The following TMX1 variants were observed in gnomAD, a reference collection of about 807,000 sequenced individuals.
TMX1 encodes thioredoxin-related transmembrane protein 1.
A neutral mutation model predicts 36.6 loss-of-function variants in TMX1; 25 were observed. The observed-to-expected ratio is 0.68, with a 90% CI of 0.50 to 0.95. The LOEUF (loss-of-function observed/expected upper bound fraction) is 0.95, where lower values mean the gene tolerates loss of function less well. TMX1 is among the 40% of genes least tolerant of loss of function. The pLI is 0.00. For synonymous variants in TMX1, 133 were observed against 118.0 expected, an observed-to-expected ratio of 1.13 and a Z score of -0.82; for missense variants, 347 against 339.6, an observed-to-expected ratio of 1.02 and a Z score of -0.17.
chr14:51,245,898 G>T, intron 3 of TMX1: 1 of 181,508 alleles, frequency 5.5e-6, no homozygotes, highest in Admixed American at 5.4e-5. Context: ...AACAGAATGA[G>T]CAAGATTATG....
rs549335981 is a variant in TMX1 at position 51,248,598 on chromosome 14, C to A, written c.444-728C>A. 5.9e-5 allele frequency among the ~76,000 whole-genome samples: 9 copies of A among 152,282 alleles called. No homozygotes were observed. The East Asian group carries it at 1.7e-3, about 29-fold the overall frequency. ...TTTCTGTGTCGAACTAAAAGTATAACTGATTTTTGTTCTCTGAAATCTCAT... is the reference window on the plus strand; with the variant it reads ...TTTCTGTGTCGAACTAAAAGTATAAATGATTTTTGTTCTCTGAAATCTCAT... On this transcript the variant is annotated intron_variant, in intron 4 of 7. Transcript: ENST00000457354.
At chr14:51,246,665 C>T (rs1409618670) in intron 3 of TMX1, among the ~76,000 whole-genome samples, 1 of 152,128 alleles carries the variant, frequency 6.6e-6, no homozygotes, top group Non-Finnish European at 1.5e-5. Context: ...TGAGGTGATG[C>T]TATTATAGCC....
In TMX1 at chr14:51,257,382, A is replaced by G. The variant is rs1390466767; in HGVS notation, c.*2863A>G. 1.3e-5 allele frequency: 2 copies of G among 152,194 alleles called. No individual in the cohort carries two copies. The highest frequency in any genetic ancestry group is 2.9e-5 in the Non-Finnish European group (2 of 68,032). 9.4% of individuals were successfully genotyped at this position (152,194 alleles called of 1,614,324 possible). On this transcript the variant is annotated 3_prime_UTR_variant, in exon 8 of 8. Transcript: ENST00000457354. ...GAGTGAACATTTTGGCTCATATTTTATGACATTGTAGTTCATCCCCATGGT... is the reference window on the plus strand; with the variant it reads ...GAGTGAACATTTTGGCTCATATTTTGTGACATTGTAGTTCATCCCCATGGT...
chr14:51,257,298 C>T lies in TMX1; in HGVS notation c.*2779C>T, dbSNP rs571849602. 2.0e-5 allele frequency: 3 copies of T among 152,236 alleles called. No individual in the cohort carries two copies. In the South Asian group the frequency reaches 6.2e-4, roughly 32 times the overall value. The allele number at this position is 152,236 out of a possible 1,614,324, so 9.4% of individuals were successfully genotyped here. ...TTCTCTCATCAGTTTCGTCCTTATT[C>T]AGCCTTACACAAAAAAAGGCATAGT... On this transcript the variant is annotated 3_prime_UTR_variant, in exon 8 of 8. Transcript: ENST00000457354.
rs997062304 is a variant in TMX1 at position 51,243,932 on chromosome 14, G to A, written c.229G>A (p.Glu77Lys). 26 of 1,612,480 alleles carry A rather than the reference G, an allele frequency of 1.6e-5. No individual in the cohort carries two copies. Among genetic ancestry groups the A allele is most frequent in the Non-Finnish European group, 2.1e-5 (25 of 1,179,304 alleles). ...TTTTGCTGAATGGGGAGAAGATCTT[G>A]AGGTTAATATTGCGAAAGTAGATGT... is the stretch of plus-strand genomic sequence containing the variant. ...ESFAEWGEDL[E>K]VNIAKVDVTE... The change falls in exon 2 of 8, where the codon GAG becomes AAG. Residue 77 changes from glutamate (E) to lysine (K), a missense_variant. Physicochemically the swap from Glu to Lys is moderately conservative, Grantham distance 56 (BLOSUM62 1). Coordinates refer to ENST00000457354, the MANE Select transcript of TMX1 (RefSeq NM_030755.5).
intron 7 of TMX1, among the ~76,000 whole-genome samples, chr14:51,250,253 A>T (rs961585994): frequency 4.0e-5 from 6 of 151,296 alleles, no homozygotes; most frequent in Admixed American, 2.6e-4. Flanking sequence ...GCATTTACCA[A>T]TCTTGTAATT....
intron 4 of TMX1, 98 bp downstream of exon 4, chr14:51,247,318 C>A: frequency 1.6e-6 from 2 of 1,231,440 alleles, no homozygotes; most frequent in Non-Finnish European, 1.1e-6. Flanking sequence ...GTTTCTTGAG[C>A]TGTTAAGGTA....
intron 7 of TMX1, among the ~76,000 whole-genome samples, chr14:51,250,316 T>C (rs571909079): frequency 2.6e-5 from 4 of 152,348 alleles, no homozygotes; most frequent in South Asian, 2.1e-4. Flanking sequence ...CTTTTACTTA[T>C]CTGTTACCTC....
chr14:51,249,251 ATAGAG>A (rs2065799991), intron 4 of TMX1, 70 bp from the exon 5 acceptor site: 1 of 1,237,692 alleles, frequency 8.1e-7, no homozygotes, highest in South Asian at 1.5e-5. Context: ...TGGGGAAATT[ATAGAG>A]TAGAAAATAG....
intron 4 of TMX1, among the ~76,000 whole-genome samples, chr14:51,247,535 T>G (rs2139854442): frequency 6.6e-6 from 1 of 152,094 alleles, no homozygotes; most frequent in Non-Finnish European, 1.5e-5. Flanking sequence ...TTTTTTGTAT[T>G]TTTAGTAGAG....
At position 51,240,521 on chromosome 14, in the gene TMX1, G is replaced by A. The variant is rs115037890; in HGVS notation, c.152+77G>A. On this transcript the variant is annotated intron_variant, in intron 1 of 7. Transcript: ENST00000457354. ...ACCCCGCACGTTCCTCGTGCGGGTC[G>A]CAGGCTCCCCAGGACTGCGCCTCCG... 15,038 of 1,543,204 alleles carry A rather than the reference G, an allele frequency of 9.7e-3. 150 individuals are homozygous for A. Among genetic ancestry groups the A allele is most frequent in the African/African-American group, 0.052 (3,846 of 73,558 alleles).
chr14:51,248,907 T>C (rs888492145), intron 4 of TMX1, among the ~76,000 whole-genome samples: 1 of 152,212 alleles, frequency 6.6e-6, no homozygotes, highest in Non-Finnish European at 1.5e-5. Flanking sequence ...ATGGAAAGAA[T>C]TGGCTTGACA....
At chr14:51,253,939 C>G (rs1329330026) in intron 7 of TMX1, 3 of 152,644 alleles carry the variant, frequency 2.0e-5, no homozygotes, top group African/African-American at 7.2e-5. Flanking sequence ...TTTTAAAAGG[C>G]AGTCAAATTT....
chr14:51,246,705 T>A (rs1215224766), intron 3 of TMX1, among the ~76,000 whole-genome samples: 3 of 152,258 alleles, frequency 2.0e-5, no homozygotes, highest in Admixed American at 2.0e-4. Context: ...CTTAAAATTT[T>A]AAGTTATAGC....
Position 51,245,341 on chromosome 14 carries a change from T to C in TMX1, c.297T>C (p.Ala99=), listed in dbSNP as rs1164478771. The change falls in exon 3 of 8, where the codon GCT becomes GCC. Residue 99 remains alanine, a synonymous_variant. Transcript: ENST00000457354. ...TGAGTGGACGGTTTATCATAACTGC[T>C]CTTCCTACTATTTATCAGTAAGTAT... ...PGLSGRFIIT[A]LPTIYHCKDG... 6.2e-7 allele frequency: 1 copy of C among 1,614,030 alleles called. No individual in the cohort carries two copies. The highest frequency in any genetic ancestry group is 8.5e-7 in the Non-Finnish European group (1 of 1,179,934).
intron 7 of TMX1, among the ~76,000 whole-genome samples, chr14:51,253,671 T>C (rs1351320031): frequency 2.0e-5 from 3 of 152,194 alleles, no homozygotes; most frequent in East Asian, 3.8e-4. Context: ...ATCGAAAGGG[T>C]GTGTATTTAT....
chr14:51,240,320 C>T lies in TMX1; in HGVS notation c.28C>T (p.Pro10Ser), dbSNP rs764267974. The stretch of plus-strand genomic sequence containing the variant: ...GGCGCCCTCCGGGAGTCTTGCAGTT[C>T]CCCTGGCAGTCCTGGTGCTGTTGCT... Reference protein sequence around the residue: MAPSGSLAVPLAVLVLLLWG... With the variant: MAPSGSLAVSLAVLVLLLWG... Residue 10 changes from proline (P) to serine (S), a missense_variant, in exon 1 of 8, where the codon CCC becomes TCC. By Grantham distance (74) the Pro-to-Ser change is moderately conservative. Transcript: ENST00000457354. 3.1e-6 allele frequency: 5 copies of T among 1,612,996 alleles called. No individual in the cohort carries two copies. The highest frequency in any genetic ancestry group is 4.2e-6 in the Non-Finnish European group (5 of 1,179,984).
In TMX1 at chr14:51,249,484, T is replaced by C; in HGVS notation, c.506T>C (p.Phe169Ser). ...SMWIRTCHNY[F>S]IEDLGLPVWG... The stretch of plus-strand genomic sequence containing the variant: ...TGATTTTAGACTTGCCATAACTACT[T>C]TATTGAAGACCTTGGATTGCCAGTG... The change falls in exon 6 of 8, where the codon TTT (phenylalanine) becomes TCT (serine). Residue 169 changes from phenylalanine to serine, a missense_variant. By Grantham distance (155) the Phe-to-Ser change is radical (BLOSUM62 -2). Coordinates refer to ENST00000457354, the MANE Select transcript of TMX1 (RefSeq NM_030755.5). 1 of 1,610,556 alleles carries C rather than the reference T, an allele frequency of 6.2e-7. No individual in the cohort carries two copies. Among genetic ancestry groups the C allele is most frequent in the Non-Finnish European group, 8.5e-7 (1 of 1,179,112 alleles).
Position 51,240,334 on chromosome 14 carries a change from G to C in TMX1, c.42G>C (p.Leu14=), listed in dbSNP as rs372843459. 3.3e-5 allele frequency: 53 copies of C among 1,613,652 alleles called. No individual in the cohort carries two copies. In the African/African-American group the frequency reaches 5.9e-4, roughly 18 times the overall value. The change falls in exon 1 of 8, where the codon CTG becomes CTC. Residue 14 remains leucine (L), a synonymous_variant. Transcript: ENST00000457354. ...SGSLAVPLAV[L]VLLLWGAPWT... is the part of the protein sequence containing the mutation. Reference sequence around the variant, plus strand: ...GTCTTGCAGTTCCCCTGGCAGTCCTGGTGCTGTTGCTTTGGGGTGCTCCCT... The same window carrying C: ...GTCTTGCAGTTCCCCTGGCAGTCCTCGTGCTGTTGCTTTGGGGTGCTCCCT...
Sources: allele counts gnomAD v4.1 joint callset (sites outside exome capture counted in the v4.1 genomes callset), GRCh38; gene constraint gnomAD v4.1.1; transcripts MANE v1.5; gene names NCBI Gene and HGNC (gene_info 2026-07-23, HGNC 2026-07-21).